RBFOX1: variants seen among roughly 807,000 people sequenced by gnomAD.
RBFOX1 encodes the protein RNA binding fox-1 homolog 1.
Under a neutral mutation model 57.7 loss-of-function variants are expected in RBFOX1, and 8 were observed. The ratio of observed to expected loss-of-function variants is 0.14; its 90% CI spans 0.08 to 0.25. The LOEUF (loss-of-function observed/expected upper bound fraction) is 0.25. Among genes scored for constraint, RBFOX1 ranks in the 10% least tolerant of loss-of-function variants. RBFOX1 has a pLI of 1.00. For synonymous variants in RBFOX1, 326 were observed against 222.4 expected (o/e 1.47, Z -4.15); for missense variants, 611 against 548.5 (o/e 1.11, Z -1.14).
chr16:6,145,795 A>T (rs2096753456), intron 1 of RBFOX1, among the ~76,000 whole-genome samples: 1 of 152,204 alleles, frequency 6.6e-6, no homozygotes, highest in African/African-American at 2.4e-5. Flanking sequence ...AAAGGAAAAA[A>T]AGAAAAAAGA....
intron 4 of RBFOX1, among the ~76,000 whole-genome samples, chr16:7,221,344 A>ATTTGTTTAT (rs2092711569): frequency 1.7e-5 from 2 of 114,632 alleles, no homozygotes; most frequent in South Asian, 3.1e-4. Flanking sequence ...TTTTTATTTG[A>ATTTGTTTAT]TTATTTATTT....
In RBFOX1 at chr16:6,870,799, TTA is replaced by T. The variant is rs538939495; in HGVS notation, c.-15-181256_-15-181255del. On this transcript the variant is annotated intron_variant, in intron 3 of 15. Transcript: ENST00000550418. ...AACTGTTTCACTACTAGCAACTAAT[TTA>T]TGAGGCAATTTCAGATTCTTATGAC... 3.0e-4 allele frequency among the ~76,000 whole-genome samples: 45 copies of T among 152,170 alleles called. 1 individual carries two copies. Among genetic ancestry groups the T allele is most frequent in the Non-Finnish European group, 5.3e-4 (36 of 68,030 alleles).
intron 3 of RBFOX1, among the ~76,000 whole-genome samples, chr16:6,703,513 G>GC (rs36081840): frequency 0.46 from 69,017 of 151,648 alleles, 16,458 homozygotes; most frequent in East Asian, 0.76. Context: ...GCAGTTCAAG[G>GC]CAGCCTAGGC....
intron 4 of RBFOX1, among the ~76,000 whole-genome samples, chr16:7,229,391 A>G (rs1439543171): frequency 6.6e-6 from 1 of 152,134 alleles, no homozygotes; most frequent in Non-Finnish European, 1.5e-5. Flanking sequence ...TCCTTGCCCT[A>G]TAAAGGATAG....
intron 4 of RBFOX1, among the ~76,000 whole-genome samples, chr16:7,114,347 T>A (rs2065426016): frequency 6.6e-6 from 1 of 152,136 alleles, no homozygotes; most frequent in South Asian, 2.1e-4. Context: ...GCTATGGAGG[T>A]CCAAGGTCAC....
At chr16:7,706,382 G>T (rs1046508756) in intron 14 of RBFOX1, among the ~76,000 whole-genome samples, 1 of 152,150 alleles carries the variant, frequency 6.6e-6, no homozygotes, top group Non-Finnish European at 1.5e-5. Context: ...TTCTGCCTTG[G>T]AAGAGAATAC....
intron 2 of RBFOX1, among the ~76,000 whole-genome samples, chr16:6,324,671 G>A (rs903124846): frequency 5.9e-5 from 9 of 152,160 alleles, no homozygotes; most frequent in Non-Finnish European, 1.3e-4. Flanking sequence ...CTACCACCTG[G>A]CTCACTTCTG....
At chr16:6,649,269 C>G (rs1036981835) in intron 2 of RBFOX1, among the ~76,000 whole-genome samples, 2 of 152,202 alleles carry the variant, frequency 1.3e-5, no homozygotes, top group African/African-American at 4.8e-5. Flanking sequence ...CAGTGACAGG[C>G]TTTCCTTCTT....
chr16:6,990,923 T>C (rs1029408969), intron 3 of RBFOX1, among the ~76,000 whole-genome samples: 2 of 152,126 alleles, frequency 1.3e-5, no homozygotes, highest in African/African-American at 4.8e-5. Flanking sequence ...TCTCGCAATT[T>C]ATTGCCAATG....
At chr16:5,888,265 G>T (rs555993725) in intron 4 of RBFOX1, among the ~76,000 whole-genome samples, 1 of 152,098 alleles carries the variant, frequency 6.6e-6, no homozygotes, top group East Asian at 1.9e-4. Flanking sequence ...CTTCCTGTGG[G>T]CCACCTTTTC....
chr16:7,291,566 G>C (rs951194235), intron 4 of RBFOX1, among the ~76,000 whole-genome samples: 5 of 152,130 alleles, frequency 3.3e-5, no homozygotes, highest in Admixed American at 2.0e-4. Context: ...TCAAGATTAA[G>C]TAAATGGAAG....
intron 2 of RBFOX1, among the ~76,000 whole-genome samples, chr16:6,474,004 G>C (rs1008049858): frequency 1.9e-4 from 29 of 152,274 alleles, no homozygotes; most frequent in Non-Finnish European, 8.8e-5. Context: ...CTTGAATCGT[G>C]ACTTGTGGAT....
rs372378852 is a variant in RBFOX1, at chr16:6,567,197, T to C, written c.-63-87406T>C. Among the ~76,000 whole-genome samples the C allele has an allele frequency of 2.0e-5, 3 of 152,332 alleles. No homozygotes were observed. The South Asian group carries it at 6.2e-4, about 32-fold the overall frequency. On this transcript the variant is annotated intron_variant, in intron 2 of 15. Transcript: ENST00000550418. Reference sequence around the variant, plus strand: ...TCAAAGCAGTACCAAGCAGTCAGACTATTTTAAATGGGGAATGATGAATAG... The same window carrying C: ...TCAAAGCAGTACCAAGCAGTCAGACCATTTTAAATGGGGAATGATGAATAG...
At chr16:5,426,994 G>T (rs2067580259) in intron 1 of RBFOX1, among the ~76,000 whole-genome samples, 1 of 152,162 alleles carries the variant, frequency 6.6e-6, no homozygotes, top group African/African-American at 2.4e-5. Context: ...TTCCAGCTGA[G>T]TGTAGGGCCC....
chr16:6,469,555 C>G (rs886443012), intron 2 of RBFOX1, among the ~76,000 whole-genome samples: 1 of 152,178 alleles, frequency 6.6e-6, no homozygotes, highest in African/African-American at 2.4e-5. Context: ...TGCAAATGCT[C>G]GGAGGTATCT....
At chr16:7,106,912 A>G (rs1020579781) in intron 4 of RBFOX1, among the ~76,000 whole-genome samples, 1 of 151,960 alleles carries the variant, frequency 6.6e-6, no homozygotes, top group Admixed American at 6.6e-5. Flanking sequence ...GGCAGTGGGC[A>G]TGCAACAAGG....
chr16:7,182,461 C>T (rs544181757), intron 4 of RBFOX1, among the ~76,000 whole-genome samples: 2 of 152,266 alleles, frequency 1.3e-5, no homozygotes, highest in Admixed American at 6.5e-5. Context: ...AGCTGAATTT[C>T]TGTTGTCTGT....
Position 6,653,405 on chromosome 16 carries a change from A to G in RBFOX1, c.-63-1198A>G, listed in dbSNP as rs1300595139. ...GTCCTCCATGCCTAGTGCAAGGTCTAGCAGCCAAGAGTTGCTAAAGAAATA... is the reference window on the plus strand; with the variant it reads ...GTCCTCCATGCCTAGTGCAAGGTCTGGCAGCCAAGAGTTGCTAAAGAAATA... On this transcript the variant is annotated intron_variant, in intron 2 of 15. Coordinates refer to ENST00000550418, the MANE Select transcript of RBFOX1 (RefSeq NM_018723.4). Among the ~76,000 whole-genome samples, 6 of 152,318 alleles carry G rather than the reference A, an allele frequency of 3.9e-5. No homozygotes were observed. In the South Asian group the frequency reaches 8.3e-4, roughly 21 times the overall value.
chr16:6,375,344 C>A (rs1222782828), intron 2 of RBFOX1, among the ~76,000 whole-genome samples: 1 of 150,846 alleles, frequency 6.6e-6, no homozygotes, highest in Non-Finnish European at 1.5e-5. Context: ...TCTCTTTTAA[C>A]AAAGAAAGCC....
Sources: gnomAD v4.1 joint callset for allele counts (sites outside exome capture counted in the v4.1 genomes callset) on GRCh38, gnomAD v4.1.1 for gene constraint, MANE v1.5 for transcripts, NCBI Gene and HGNC (gene_info 2026-07-23, HGNC 2026-07-21) for gene names.